CNKSR2: variants seen among roughly 807,000 people sequenced by gnomAD.
CNKSR2 encodes CNK homolog protein 2.
Under a neutral mutation model 84.4 loss-of-function variants are expected in CNKSR2, and 14 were observed. That is an observed-to-expected ratio of 0.17 (90% CI 0.11 to 0.26). The LOEUF (loss-of-function observed/expected upper bound fraction) is 0.26. Among genes scored for constraint, CNKSR2 ranks in the 10% least tolerant of loss-of-function variants. CNKSR2 has a pLI of 1.00. For synonymous variants in CNKSR2, 275 were observed against 277.9 expected (o/e 0.99, Z 0.10); for missense variants, 485 against 771.2 (o/e 0.63, Z 4.40).
At chrX:21,604,028 T>C (rs1379441897) in intron 18 of CNKSR2, among the ~76,000 whole-genome samples, 1 of 111,221 alleles carries the variant, frequency 9.0e-6, no homozygotes, top group Non-Finnish European at 1.9e-5. Flanking sequence ...ATAAATTAAT[T>C]TGCCATTAGA....
intron 15 of CNKSR2, chrX:21,591,706 A>T (rs1395626089): frequency 1.8e-5 from 2 of 110,121 alleles, no homozygotes; most frequent in African/African-American, 6.6e-5. Context: ...CACTTGGCCC[A>T]GTGGGGGGGT....
chrX:21,484,215 G>A (rs72620275), intron 5 of CNKSR2, among the ~76,000 whole-genome samples: 3 of 111,331 alleles, frequency 2.7e-5, no homozygotes, highest in East Asian at 5.6e-4. Context: ...CACTTGCACC[G>A]AGGAGTCAGA....
At chrX:21,388,682 A>G (rs1169372101) in intron 1 of CNKSR2, among the ~76,000 whole-genome samples, 2 of 111,920 alleles carry the variant, frequency 1.8e-5, no homozygotes, top group Non-Finnish European at 3.8e-5. Flanking sequence ...AAATGTCTAG[A>G]TAAGTAGAGA....
At chrX:21,421,897 C>T (rs1172495978) in intron 1 of CNKSR2, 3 of 110,193 alleles carry the variant, frequency 2.7e-5, no homozygotes, top group African/African-American at 6.6e-5. Context: ...TACCTTGCTC[C>T]ACTCTACTGC....
intron 5 of CNKSR2, among the ~76,000 whole-genome samples, chrX:21,485,992 G>A (rs928761742): frequency 9.9e-5 from 11 of 110,922 alleles, no homozygotes; most frequent in African/African-American, 3.3e-4. Context: ...AAAAGTAGCC[G>A]GGCGTGGTGG....
chrX:21,450,169 A>G (rs1191924790), intron 4 of CNKSR2, among the ~76,000 whole-genome samples: 1 of 110,909 alleles, frequency 9.0e-6, no homozygotes, highest in African/African-American at 3.3e-5. Context: ...GGGGACAATA[A>G]ATGACCTTTT....
At chrX:21,490,694 G>T in intron 6 of CNKSR2, 116 bp downstream of exon 6, 1 of 802,379 alleles carries the variant, frequency 1.2e-6, no homozygotes, top group Middle Eastern at 3.2e-4. Context: ...GAACATTTTG[G>T]TATTTTTTTC....
chrX:21,527,435 T>A (rs189952993), intron 10 of CNKSR2, among the ~76,000 whole-genome samples: 1 of 110,635 alleles, frequency 9.0e-6, no homozygotes, highest in Admixed American at 9.7e-5. Context: ...GAAGATTTTA[T>A]TTGGTAATGA....
At chrX:21,563,924 T>C (rs1429524726) in intron 13 of CNKSR2, among the ~76,000 whole-genome samples, 2 of 110,980 alleles carry the variant, frequency 1.8e-5, no homozygotes, top group Non-Finnish European at 3.8e-5. Flanking sequence ...CAGTATAACT[T>C]AACTGTTGTG....
intron 1 of CNKSR2, among the ~76,000 whole-genome samples, chrX:21,398,057 C>T (rs753840765): frequency 1.3e-4 from 15 of 111,135 alleles, no homozygotes; most frequent in Admixed American, 3.8e-4. Context: ...TCCAAGATTC[C>T]GACATCCTAG....
chrX:21,428,852 A>G (rs1474153642), intron 2 of CNKSR2: 1 of 111,575 alleles, frequency 9.0e-6, no homozygotes, highest in African/African-American at 3.2e-5. Flanking sequence ...TCATCTTAAA[A>G]TAATTTATTT....
intron 6 of CNKSR2, chrX:21,495,065 A>G (rs1271213269): frequency 1.8e-5 from 2 of 112,479 alleles, no homozygotes; most frequent in African/African-American, 3.2e-5. Flanking sequence ...TAGAACAGAT[A>G]TTAAAAAGTG....
At chrX:21,586,567 G>A (rs765428767) in intron 13 of CNKSR2, among the ~76,000 whole-genome samples, 1 of 111,642 alleles carries the variant, frequency 9.0e-6, no homozygotes, top group Admixed American at 9.5e-5. Context: ...AAAGCGTCTA[G>A]AGAAAATTAA....
At chrX:21,512,004 T>A (rs2091677330) in intron 8 of CNKSR2, among the ~76,000 whole-genome samples, 1 of 111,933 alleles carries the variant, frequency 8.9e-6, no homozygotes, top group Non-Finnish European at 1.9e-5. Flanking sequence ...ATTCACCCTA[T>A]TGAGGTACTT....
At chrX:21,382,259 C>T (rs768333513) in intron 1 of CNKSR2, among the ~76,000 whole-genome samples, 1 of 111,390 alleles carries the variant, frequency 9.0e-6, no homozygotes, top group East Asian at 2.8e-4. Flanking sequence ...GTGCTCTAGC[C>T]AATTCAAAGA....
Position 21,374,892 on chromosome X carries a change from G to A in CNKSR2, c.-6G>A. 8.3e-7 allele frequency: 1 copy of A among 1,207,999 alleles called. No homozygotes were observed. The highest frequency in any genetic ancestry group is 1.1e-6 in the Non-Finnish European group (1 of 891,718). ...CTGCGCTCTGCACGGAACCGACCCC[G>A]TACCCATGGCTCTGATAATGGAACC... On this transcript the variant is annotated 5_prime_UTR_variant, in exon 1 of 22. Transcript: ENST00000379510.
At chrX:21,571,617 T>C (rs1308252434) in intron 13 of CNKSR2, among the ~76,000 whole-genome samples, 4 of 111,644 alleles carry the variant, frequency 3.6e-5, no homozygotes, top group South Asian at 3.8e-4. Context: ...AGCTAGAAAA[T>C]AGCAGAGTTT....
chrX:21,641,586 T>G, intron 20 of CNKSR2: 1 of 1,171,622 alleles, frequency 8.5e-7, no homozygotes, highest in Non-Finnish European at 1.1e-6. Flanking sequence ...CGGATCCACT[T>G]CTGTTGGCAC....
intron 6 of CNKSR2, chrX:21,495,822 A>AAAAAAAAAAAAAC (rs1231075186): frequency 2.6e-5 from 2 of 75,877 alleles, no homozygotes; most frequent in Non-Finnish European, 5.3e-5. Flanking sequence ...AAAAAAAAAA[A>AAAAAAAAAAAAAC]CACGAAAAAT....
Sources: allele counts gnomAD v4.1 joint callset (sites outside exome capture counted in the v4.1 genomes callset), GRCh38; gene constraint gnomAD v4.1.1; transcripts MANE v1.5; gene names NCBI Gene and HGNC (gene_info 2026-07-23, HGNC 2026-07-21).